Variants in LMBR1 observed in about 807,000 individuals in gnomAD.
LMBR1 encodes the protein limb development membrane protein 1.
LMBR1 carries 52 observed loss-of-function variants against 73.9 expected under a neutral mutation model. That is an observed-to-expected ratio of 0.70 (90% CI 0.56 to 0.89). The LOEUF (loss-of-function observed/expected upper bound fraction) is 0.89. Ranked by LOEUF, LMBR1 falls within the 40% of genes least tolerant of loss-of-function variation. The probability of loss-of-function intolerance (pLI) is 0.00; values close to 1 mark genes in which losing one functional copy is unlikely to be tolerated. For missense variants in LMBR1, 539 were observed against 579.8 expected (o/e 0.93, Z 0.72); for synonymous variants, 215 against 209.4 (o/e 1.03, Z -0.23).
At chr7:156,734,021 T>C in intron 10 of LMBR1, 156 bp downstream of exon 10, 1 of 485,734 alleles carries the variant, frequency 2.1e-6, no homozygotes, top group Non-Finnish European at 3.7e-6. Context: ...ACTTATCCTC[T>C]CCCCAAACTG....
At chr7:156,696,915 C>G (rs1214878531) in intron 15 of LMBR1, among the ~76,000 whole-genome samples, 1 of 152,210 alleles carries the variant, frequency 6.6e-6, no homozygotes, top group Non-Finnish European at 1.5e-5. Flanking sequence ...TGAGACAAGG[C>G]AAGTACCTTC....
intron 1 of LMBR1, among the ~76,000 whole-genome samples, chr7:156,839,365 G>C (rs1838240369): frequency 6.6e-6 from 1 of 151,902 alleles, no homozygotes; most frequent in Non-Finnish European, 1.5e-5. Context: ...TTTTTAATCA[G>C]GTTAATTGTT....
At chr7:156,694,080 C>T (rs563766762) in intron 15 of LMBR1, among the ~76,000 whole-genome samples, 3 of 152,112 alleles carry the variant, frequency 2.0e-5, no homozygotes, top group Non-Finnish European at 4.4e-5. Context: ...TAGAAAAGAG[C>T]AACTGACAAA....
At position 156,756,560 on chromosome 7, in the gene LMBR1, C is replaced by T. The variant is rs539966677; in HGVS notation, c.685-95G>A. 2.4e-4 allele frequency: 159 copies of T among 651,504 alleles called. 1 individual carries two copies. In the African/African-American group the frequency reaches 2.6e-3, roughly 11 times the overall value. The allele number at this position is 651,504 out of a possible 1,614,324, so 40.4% of individuals were successfully genotyped here. A position where few individuals can be genotyped will look rare whatever the true frequency, so the allele number is the denominator to read the frequency against. Reference sequence around the variant, plus strand: ...TATTTGGTCAATTTATTTTAGGTAACGTATTCATTCAAATTTCTAAGAACA... The same window carrying T: ...TATTTGGTCAATTTATTTTAGGTAATGTATTCATTCAAATTTCTAAGAACA... On this transcript the variant is annotated intron_variant, in intron 8 of 16. Transcript: ENST00000353442.
At chr7:156,815,741 T>C (rs1202857387) in intron 4 of LMBR1, among the ~76,000 whole-genome samples, 3 of 152,124 alleles carry the variant, frequency 2.0e-5, no homozygotes, top group Admixed American at 6.5e-5. Context: ...AATTACCACG[T>C]GTTGGGGAGC....
intron 5 of LMBR1, among the ~76,000 whole-genome samples, chr7:156,766,234 A>G (rs1824052501): frequency 1.3e-5 from 2 of 151,994 alleles, no homozygotes; most frequent in African/African-American, 4.8e-5. Flanking sequence ...GGATTTAGAG[A>G]TAGTGTATCT....
At chr7:156,742,470 T>C (rs1819070285) in intron 9 of LMBR1, among the ~76,000 whole-genome samples, 1 of 152,032 alleles carries the variant, frequency 6.6e-6, no homozygotes, top group Non-Finnish European at 1.5e-5. Context: ...TGGTTAGTAG[T>C]TACTGTGAGT....
chr7:156,806,101 G>C (rs1832013373), intron 4 of LMBR1, among the ~76,000 whole-genome samples: 1 of 150,854 alleles, frequency 6.6e-6, no homozygotes, highest in African/African-American at 2.4e-5. Flanking sequence ...AGCCCAAACT[G>C]ATAAAGTGTC....
intron 4 of LMBR1, among the ~76,000 whole-genome samples, chr7:156,808,247 G>A (rs546501946): frequency 2.6e-5 from 4 of 152,148 alleles, no homozygotes; most frequent in Admixed American, 6.5e-5. Context: ...TACACTTTCC[G>A]TTTTTGCTTC....
chr7:156,743,006 T>C (rs1036568771), intron 9 of LMBR1, among the ~76,000 whole-genome samples: 2 of 152,224 alleles, frequency 1.3e-5, no homozygotes, highest in South Asian at 2.1e-4. Flanking sequence ...CATATGATCA[T>C]TTCATTTGAT....
At chr7:156,840,723 G>A (rs1285984681) in intron 1 of LMBR1, among the ~76,000 whole-genome samples, 1 of 151,770 alleles carries the variant, frequency 6.6e-6, no homozygotes, top group Non-Finnish European at 1.5e-5. Context: ...ACTTTGGGAG[G>A]CCGAGGCGGG....
At chr7:156,694,286 C>T (rs764214858) in intron 15 of LMBR1, among the ~76,000 whole-genome samples, 3 of 152,126 alleles carry the variant, frequency 2.0e-5, no homozygotes, top group East Asian at 1.9e-4. Flanking sequence ...GCGCATGCCA[C>T]CATGCCAGGC....
At chr7:156,765,256 C>T (rs1823874386) in intron 5 of LMBR1, among the ~76,000 whole-genome samples, 1 of 152,164 alleles carries the variant, frequency 6.6e-6, no homozygotes, top group Admixed American at 6.5e-5. Flanking sequence ...GGGAAGGACC[C>T]AGTGGGAGGT....
Position 156,681,210 on chromosome 7 carries a change from G to A in LMBR1, c.*2868C>T. On this transcript the variant is annotated 3_prime_UTR_variant, in exon 17 of 17. Transcript: ENST00000353442. The stretch of plus-strand genomic sequence containing the variant: ...CCTGGCAGACGAGGTCATCACTGAG[G>A]CTGCAGGGAGGGCCATGGGCACCCA... The A allele has an allele frequency of 4.4e-6, 2 of 452,208 alleles. No individual in the cohort carries two copies. The highest frequency in any genetic ancestry group is 7.0e-4 in the Middle Eastern group (2 of 2,868). The allele number at this position is 452,208 out of a possible 1,614,324, so 28.0% of individuals were successfully genotyped here.
intron 15 of LMBR1, among the ~76,000 whole-genome samples, chr7:156,691,611 T>C (rs961680663): frequency 6.6e-6 from 1 of 152,170 alleles, no homozygotes; most frequent in African/African-American, 2.4e-5. Context: ...TTATAAAGCT[T>C]GACACATAAA....
rs1554456485 is a variant in LMBR1 at position 156,680,376 on chromosome 7, C to CAGAGAGAGAGACAGAG, written c.*3701_*3702insCTCTGTCTCTCTCTCT. On this transcript the variant is annotated 3_prime_UTR_variant, in exon 17 of 17. Transcript: ENST00000353442. ...TTTTTGCTTATACGTATCTGAGAGA[C>CAGAGAGAGAGACAGAG]AGAGAGAGAGAGAGAGAGAGAGAGA... 4.3e-5 allele frequency: 6 copies of CAGAGAGAGAGACAGAG among 141,154 alleles called. No homozygotes were observed. Among genetic ancestry groups the CAGAGAGAGAGACAGAG allele is most frequent in the African/African-American group, 1.7e-4 (6 of 35,312 alleles). The allele number at this position is 141,154 out of a possible 1,614,324, so 8.7% of individuals were successfully genotyped here. A position where few individuals can be genotyped will look rare whatever the true frequency, so the allele number is the denominator to read the frequency against.
chr7:156,820,302 A>G (rs1273374210), intron 4 of LMBR1, among the ~76,000 whole-genome samples: 1 of 152,198 alleles, frequency 6.6e-6, no homozygotes, highest in East Asian at 1.9e-4. Context: ...GTTTGCTTTC[A>G]GCTGACAAGG....
intron 1 of LMBR1, among the ~76,000 whole-genome samples, chr7:156,889,328 A>C (rs546195549): frequency 4.4e-4 from 67 of 151,742 alleles, no homozygotes; most frequent in African/African-American, 1.6e-3. Flanking sequence ...ATTTAACGCC[A>C]CTGAACTGTA....
intron 1 of LMBR1, among the ~76,000 whole-genome samples, chr7:156,867,267 G>A (rs912078874): frequency 1.3e-5 from 2 of 152,196 alleles, no homozygotes; most frequent in Non-Finnish European, 2.9e-5. Flanking sequence ...ATAATGACAA[G>A]TGATGATAAT....
Sources: allele counts gnomAD v4.1 joint callset (sites outside exome capture counted in the v4.1 genomes callset), GRCh38; gene constraint gnomAD v4.1.1; transcripts MANE v1.5; gene names NCBI Gene and HGNC (gene_info 2026-07-23, HGNC 2026-07-21).